Variants in RPA2 observed in about 807,000 individuals in gnomAD.
The protein encoded by RPA2 is replication protein A2, also known as replication protein A 32 kDa subunit.
RPA2 carries 22 observed loss-of-function variants against 33.4 expected under a neutral mutation model. The ratio of observed to expected loss-of-function variants is 0.66; its 90% CI spans 0.47 to 0.94. The LOEUF is 0.94. Among genes scored for constraint, RPA2 ranks in the 40% least tolerant of loss-of-function variants. RPA2 has a pLI of 0.00. For missense variants in RPA2, 279 were observed against 329.9 expected, an observed-to-expected ratio of 0.85 and a Z score of 1.19; for synonymous variants, 109 against 114.9, an observed-to-expected ratio of 0.95 and a Z score of 0.33.
upstream of RPA2, chr1:27,914,639 T>G (rs541846806): frequency 1.5e-5 from 24 of 1,613,968 alleles, no homozygotes; most frequent in African/African-American, 3.1e-4. Flanking sequence ...ATGCTACGCT[T>G]GTTCCTGTCT....
intron 2 of RPA2, among the ~76,000 whole-genome samples, chr1:27,913,033 ATC>A (rs1250418928): frequency 6.6e-6 from 1 of 152,050 alleles, no homozygotes; most frequent in Non-Finnish European, 1.5e-5. Context: ...GCTCACTGCA[ATC>A]TCTGTCTCCA....
At chr1:27,897,903 A>T (rs2089913115) in intron 4 of RPA2, among the ~76,000 whole-genome samples, 196 bp from the exon 5 acceptor site, 1 of 152,254 alleles carries the variant, frequency 6.6e-6, no homozygotes, top group African/African-American at 2.4e-5. Context: ...AATATCTCTA[A>T]AGGTAATTAT....
intron 6 of RPA2, among the ~76,000 whole-genome samples, chr1:27,896,444 G>C (rs2089893316): frequency 6.6e-6 from 1 of 152,028 alleles, no homozygotes; most frequent in African/African-American, 2.4e-5. Context: ...TGAGATTTCA[G>C]GCCATGAACC....
chr1:27,897,068 C>T lies in RPA2; in HGVS notation c.462G>A (p.Glu154=). 6.2e-7 allele frequency: 1 copy of T among 1,613,986 alleles called. No homozygotes were observed. Among genetic ancestry groups the T allele is most frequent in the Non-Finnish European group, 8.5e-7 (1 of 1,179,992 alleles). Reference sequence around the variant, plus strand: ...TCACTTCCAGAATATGTGTGGTGAACTCATTCATATCCTCCAGGGGCATGA... The same window carrying T: ...TCACTTCCAGAATATGTGTGGTGAATTCATTCATATCCTCCAGGGGCATGA... The part of the protein sequence containing the change: ...FKIMPLEDMN[E]FTTHILEVIN... The change falls in exon 6 of 9, where the codon GAG becomes GAA. Residue 154 remains glutamate (E), a synonymous_variant. Coordinates refer to ENST00000373912, the MANE Select transcript of RPA2 (RefSeq NM_002946.5).
Position 27,894,053 on chromosome 1 carries a change from A to ATCC in RPA2, c.684_686dup (p.Gln228_Asp229insGlu). On this transcript the variant is annotated inframe_insertion, in exon 8 of 9. Transcript: ENST00000373912. ...ACATGTGTTTCAGCTGGTTCTTGAGATCCTGAAAGTTCAACCCTTCAGGTC... is the reference window on the plus strand; with the variant it reads ...ACATGTGTTTCAGCTGGTTCTTGAGATCCTCCTGAAAGTTCAACCCTTCAGGTC... 6.2e-7 allele frequency: 1 copy of ATCC among 1,614,160 alleles called. No homozygotes were observed. The highest frequency in any genetic ancestry group is 8.5e-7 in the Non-Finnish European group (1 of 1,180,000).
chr1:27,909,724 A>G (rs928464618), intron 2 of RPA2, among the ~76,000 whole-genome samples: 1 of 152,082 alleles, frequency 6.6e-6, no homozygotes, highest in African/African-American at 2.4e-5. Flanking sequence ...GAGAAAAAAA[A>G]AAAAGAGCGG....
intron 5 of RPA2, 23 bp downstream of exon 5, chr1:27,897,610 C>A: frequency 6.4e-7 from 1 of 1,563,542 alleles, no homozygotes; most frequent in South Asian, 1.2e-5. Flanking sequence ...AACACTTTAA[C>A]TGTTATTTTA....
At chr1:27,906,174 A>G (rs2090026035) in intron 4 of RPA2, among the ~76,000 whole-genome samples, 1 of 151,958 alleles carries the variant, frequency 6.6e-6, no homozygotes, top group Non-Finnish European at 1.5e-5. Flanking sequence ...GTTTGAGACT[A>G]GCCTGGCCAA....
Position 27,913,654 on chromosome 1 carries a change from CACCTGTT to C in RPA2, c.117+402_117+408del, listed in dbSNP as rs1241811825. Among the ~76,000 whole-genome samples, 4 of 151,606 alleles carry C rather than the reference CACCTGTT, an allele frequency of 2.6e-5. No individual in the cohort carries two copies. The East Asian group carries it at 7.8e-4, about 29-fold the overall frequency. On this transcript the variant is annotated intron_variant, in intron 2 of 8. Coordinates refer to ENST00000373912, the MANE Select transcript of RPA2 (RefSeq NM_002946.5). ...AGTTCAGGCCAGGAGCAGTGGCTCACACCTGTTACCCCAGCACTTTGAGAGGCCGAGG... is the reference window on the plus strand; with the variant it reads ...AGTTCAGGCCAGGAGCAGTGGCTCACACCCCAGCACTTTGAGAGGCCGAGG...
intron 1 of RPA2, 92 bp from the exon 2 acceptor site, chr1:27,914,261 C>T (rs772827520): frequency 3.1e-6 from 5 of 1,596,232 alleles, no homozygotes; most frequent in Admixed American, 1.8e-5. Context: ...TCAAACACTG[C>T]CCGAGTCTCC....
chr1:27,910,477 A>G (rs2090083428), intron 2 of RPA2, among the ~76,000 whole-genome samples: 1 of 152,232 alleles, frequency 6.6e-6, no homozygotes, highest in Non-Finnish European at 1.5e-5. Flanking sequence ...TGCTCCAAAG[A>G]GGTTCACAAA....
At chr1:27,906,905 A>G in intron 4 of RPA2, 23 bp downstream of exon 4, 1 of 1,539,294 alleles carries the variant, frequency 6.5e-7, no homozygotes, top group Non-Finnish European at 8.9e-7. Flanking sequence ...TAACCCCATC[A>G]TGATTCAAAA....
chr1:27,914,297 G>T (rs1374456510), intron 1 of RPA2, 128 bp from the exon 2 acceptor site: 1 of 1,576,680 alleles, frequency 6.3e-7, no homozygotes, highest in Non-Finnish European at 8.6e-7. Context: ...GCCTTCCTGC[G>T]GGTGACCCCC....
chr1:27,899,701 GAC>G (rs1200134644), intron 4 of RPA2, among the ~76,000 whole-genome samples: 1 of 150,696 alleles, frequency 6.6e-6, no homozygotes, highest in African/African-American at 2.4e-5. Context: ...TTTTTTTTGA[GAC>G]AGAGTCTCGC....
chr1:27,914,088 G>A lies in RPA2; in HGVS notation c.92C>T (p.Ala31Val). ...TGATTTCTTTTCGGCTTGAGAAGGT[G>A]CGGGCGATCCAAAGCCCCCCGGGGA... The part of the protein sequence containing the change: ...TQSPGGFGSP[A>V]PSQAEKKSRA... The change falls in exon 2 of 9, where the codon GCA becomes GTA. Residue 31 changes from alanine to valine, a missense_variant. Ala to Val is a moderately conservative substitution (Grantham distance 64). Coordinates refer to ENST00000373912, the MANE Select transcript of RPA2 (RefSeq NM_002946.5). The A allele has an allele frequency of 6.2e-7, 1 of 1,605,610 alleles. No homozygotes were observed. Among genetic ancestry groups the A allele is most frequent in the Non-Finnish European group, 8.5e-7 (1 of 1,176,578 alleles).
At chr1:27,903,466 A>T (rs1289882927) in intron 4 of RPA2, among the ~76,000 whole-genome samples, 1 of 152,090 alleles carries the variant, frequency 6.6e-6, no homozygotes, top group African/African-American at 2.4e-5. Context: ...TCAAGCCTGT[A>T]ATCCCAGCAC....
rs1394072256 is a variant in RPA2 at position 27,897,063 on chromosome 1, G to A, written c.467C>T (p.Thr156Ile). The change falls in exon 6 of 9, where the codon ACC (threonine) becomes ATC (isoleucine). Residue 156 changes from threonine (T) to isoleucine (I), a missense_variant. By Grantham distance (89) the Thr-to-Ile change is moderately conservative. Around this residue, in one of 2 missense-constraint regions of RPA2, gnomAD observed 274 missense variants for 310.3 expected, o/e 0.88. Transcript: ENST00000373912. ...ATTGATCACTTCCAGAATATGTGTG[G>A]TGAACTCATTCATATCCTCCAGGGG... ...IMPLEDMNEF[T>I]THILEVINAH... is the part of the protein sequence containing the mutation. The A allele has an allele frequency of 3.7e-6, 6 of 1,613,948 alleles. No homozygotes were observed. The highest frequency in any genetic ancestry group is 1.3e-5 in the African/African-American group (1 of 75,026).
In RPA2 at chr1:27,906,818, G is replaced by T. The variant is rs2090034431; in HGVS notation, c.333+110C>A. 4 of 689,504 alleles carry T rather than the reference G, an allele frequency of 5.8e-6. No homozygotes were observed. In the Admixed American group the frequency reaches 9.0e-5, roughly 16 times the overall value. 42.7% of individuals were successfully genotyped at this position (689,504 alleles called of 1,614,324 possible). A position where few individuals can be genotyped will look rare whatever the true frequency, so the allele number is the denominator to read the frequency against. On this transcript the variant is annotated intron_variant, in intron 4 of 8. Coordinates refer to ENST00000373912, the MANE Select transcript of RPA2 (RefSeq NM_002946.5). Reference sequence around the variant, plus strand: ...CTTTTACTTTAGAGTATCTGTCTTTGATGTCTTTTTGTATTATTTTTATAA... The same window carrying T: ...CTTTTACTTTAGAGTATCTGTCTTTTATGTCTTTTTGTATTATTTTTATAA...
At chr1:27,896,701 T>C (rs886075298) in intron 6 of RPA2, among the ~76,000 whole-genome samples, 15 of 152,138 alleles carry the variant, frequency 9.9e-5, no homozygotes, top group Non-Finnish European at 1.6e-4. Flanking sequence ...GCACTGACAA[T>C]CCTGGAGCTA....
Sources: gnomAD v4.1 joint callset for allele counts (sites outside exome capture counted in the v4.1 genomes callset) on GRCh38, gnomAD v4.1.1 for gene constraint, gnomAD v4.1.1 regional missense constraint, MANE v1.5 for transcripts, NCBI Gene and HGNC (gene_info 2026-07-23, HGNC 2026-07-21) for gene names.